Variants in EPB41L2 observed in about 807,000 individuals in gnomAD.
The protein encoded by EPB41L2 is band 4.1-like protein 2.
A neutral mutation model predicts 113.0 loss-of-function variants in EPB41L2; 43 were observed. The observed-to-expected ratio is 0.38, with a 90% CI of 0.30 to 0.49. The LOEUF is 0.49. Ranked by LOEUF, EPB41L2 falls within the 20% of genes least tolerant of loss-of-function variation. EPB41L2 has a pLI of 0.95. For missense variants in EPB41L2, 1,147 were observed against 1,223.4 expected, an observed-to-expected ratio of 0.94 and a Z score of 0.93; for synonymous variants, 442 against 436.7, an observed-to-expected ratio of 1.01 and a Z score of -0.15.
intron 1 of EPB41L2, among the ~76,000 whole-genome samples, chr6:130,972,767 G>T (rs1777155203): frequency 6.6e-6 from 1 of 151,976 alleles, no homozygotes; most frequent in Non-Finnish European, 1.5e-5. Context: ...AGATAAACAA[G>T]ATGTCACCAG....
chr6:130,910,610 A>T (rs907984466), intron 4 of EPB41L2, among the ~76,000 whole-genome samples: 5 of 152,212 alleles, frequency 3.3e-5, no homozygotes, highest in Non-Finnish European at 5.9e-5. Flanking sequence ...ATGGGAGAAA[A>T]TTTTTGCAAT....
In EPB41L2 at chr6:130,974,717, C is replaced by CTTTTTTTTTTT. The variant is rs71030723; in HGVS notation, c.-14-18229_-14-18219dup. Among the ~76,000 whole-genome samples the CTTTTTTTTTTT allele has an allele frequency of 7.1e-3, 460 of 64,660 alleles. 31 individuals carry two copies. The highest frequency in any genetic ancestry group is 8.7e-3 in the Non-Finnish European group (321 of 36,688). 42.4% of individuals were successfully genotyped at this position (64,660 alleles called of 152,430 possible). A position where few individuals can be genotyped will look rare whatever the true frequency, so the allele number is the denominator to read the frequency against. On this transcript the variant is annotated intron_variant, in intron 1 of 19. Transcript: ENST00000337057. The stretch of plus-strand genomic sequence containing the variant: ...GGCAGCCTCTTTTTTCTTTTCTTTT[C>CTTTTTTTTTTT]TTTTTTTTTTTTTTTTTTTTTTTTT...
At chr6:130,880,537 GA>G (rs1445452051) in intron 12 of EPB41L2, 17 of 613,566 alleles carry the variant, frequency 2.8e-5, no homozygotes, top group African/African-American at 5.5e-5. Flanking sequence ...AGTATTAGTG[GA>G]AACTCTACCA....
intron 1 of EPB41L2, among the ~76,000 whole-genome samples, chr6:130,973,272 CTTT>C (rs35363035): frequency 0.014 from 2,022 of 149,392 alleles, 43 homozygotes; most frequent in African/African-American, 0.046. Context: ...AGACACAAAA[CTTT>C]TTTTTTTTTT....
chr6:130,925,241 T>G (rs988439485), intron 4 of EPB41L2, among the ~76,000 whole-genome samples: 1 of 144,436 alleles, frequency 6.9e-6, no homozygotes, highest in Non-Finnish European at 1.5e-5. Context: ...CAGGCTGGAG[T>G]GCAGTGGCGT....
chr6:130,884,930 ACAAT>A (rs1035796544), intron 12 of EPB41L2, among the ~76,000 whole-genome samples, 162 bp downstream of exon 12: 2 of 152,372 alleles, frequency 1.3e-5, no homozygotes, highest in East Asian at 1.9e-4. Flanking sequence ...GCTTTGAACA[ACAAT>A]CAAAGGTTAG....
intron 11 of EPB41L2, among the ~76,000 whole-genome samples, chr6:130,885,962 T>C (rs566235705): frequency 4.6e-5 from 7 of 152,300 alleles, no homozygotes; most frequent in Middle Eastern, 3.4e-3. Flanking sequence ...AAATGTACAT[T>C]GTATTGAAAA....
intron 16 of EPB41L2, 185 bp from the exon 17 acceptor site, chr6:130,865,819 C>T: frequency 1.8e-6 from 1 of 561,956 alleles, no homozygotes; most frequent in Non-Finnish European, 3.1e-6. Context: ...GCTAGGTGCA[C>T]ATGGAGAAGC....
chr6:131,027,809 A>T (rs1008996191), intron 1 of EPB41L2, among the ~76,000 whole-genome samples: 1 of 152,240 alleles, frequency 6.6e-6, no homozygotes, highest in African/African-American at 2.4e-5. Flanking sequence ...TAAAGTTTTT[A>T]AAAATTTTAA....
intron 1 of EPB41L2, among the ~76,000 whole-genome samples, chr6:130,960,427 A>G (rs754386604): frequency 7.2e-5 from 11 of 152,200 alleles, no homozygotes; most frequent in Non-Finnish European, 1.6e-4. Context: ...GAGCTGGTTG[A>G]CAGACACTGA....
At chr6:131,002,086 G>A (rs1479720109) in intron 1 of EPB41L2, among the ~76,000 whole-genome samples, 1 of 152,180 alleles carries the variant, frequency 6.6e-6, no homozygotes, top group Non-Finnish European at 1.5e-5. Flanking sequence ...ATAAAGGTGA[G>A]TCTGAAGCCA....
At chr6:130,945,574 T>C (rs1043923760) in intron 3 of EPB41L2, among the ~76,000 whole-genome samples, 3 of 152,208 alleles carry the variant, frequency 2.0e-5, no homozygotes, top group Non-Finnish European at 4.4e-5. Flanking sequence ...GCACATTCAC[T>C]CAAGCTTCCA....
chr6:130,855,027 T>C (rs1171736534), intron 19 of EPB41L2, among the ~76,000 whole-genome samples: 1 of 139,468 alleles, frequency 7.2e-6, no homozygotes, highest in Admixed American at 7.0e-5. Context: ...GACAGAGGGA[T>C]ACTTTGTCTC....
At chr6:131,052,474 A>T (rs914832401) in intron 1 of EPB41L2, among the ~76,000 whole-genome samples, 1 of 152,238 alleles carries the variant, frequency 6.6e-6, no homozygotes, top group African/African-American at 2.4e-5. Flanking sequence ...CCAAAAGATT[A>T]TATCATGTTT....
chr6:131,005,669 G>A (rs1488701468), intron 1 of EPB41L2, among the ~76,000 whole-genome samples: 2 of 152,134 alleles, frequency 1.3e-5, no homozygotes, highest in African/African-American at 2.4e-5. Context: ...CTACTTAAAA[G>A]GCAAATCTCA....
intron 1 of EPB41L2, among the ~76,000 whole-genome samples, chr6:131,023,756 GATAT>G (rs1379644607): frequency 2.2e-5 from 1 of 44,726 alleles, no homozygotes; most frequent in Non-Finnish European, 4.3e-5. Flanking sequence ...TCTATATATA[GATAT>G]ATAGATATAT....
chr6:130,940,332 C>T (rs188535345), intron 3 of EPB41L2, among the ~76,000 whole-genome samples: 4 of 152,188 alleles, frequency 2.6e-5, no homozygotes, highest in South Asian at 2.1e-4. Flanking sequence ...ATCCTTGATA[C>T]GCAAGGATAT....
intron 1 of EPB41L2, among the ~76,000 whole-genome samples, chr6:130,992,862 C>T (rs1782211665): frequency 6.6e-6 from 1 of 152,024 alleles, no homozygotes; most frequent in African/African-American, 2.4e-5. Flanking sequence ...CTTGATACAC[C>T]TGCCTCAGCT....
In EPB41L2 at chr6:130,858,999, G is replaced by A. The variant is rs551593735; in HGVS notation, c.2911-756C>T. 2.0e-5 allele frequency among the ~76,000 whole-genome samples: 3 copies of A among 152,322 alleles called. No individual in the cohort carries two copies. The East Asian group carries it at 5.8e-4, about 29-fold the overall frequency. Reference sequence around the variant, plus strand: ...CCTGTGAGCAGCAGGATAGGAGCAGGGAGGACCCAGAGGGCTGACTCCAGT... The same window carrying A: ...CCTGTGAGCAGCAGGATAGGAGCAGAGAGGACCCAGAGGGCTGACTCCAGT... On this transcript the variant is annotated intron_variant, in intron 18 of 19. Coordinates refer to ENST00000337057, the MANE Select transcript of EPB41L2 (RefSeq NM_001431.4).
Sources: gnomAD v4.1 joint callset for allele counts (sites outside exome capture counted in the v4.1 genomes callset) on GRCh38, gnomAD v4.1.1 for gene constraint, MANE v1.5 for transcripts, NCBI Gene and HGNC (gene_info 2026-07-23, HGNC 2026-07-21) for gene names.